HNRNPUL1: variants seen among roughly 807,000 people sequenced by gnomAD.
HNRNPUL1 encodes heterogeneous nuclear ribonucleoprotein U like 1, also known as heterogeneous nuclear ribonucleoprotein U-like protein 1.
Under a neutral mutation model 108.5 loss-of-function variants are expected in HNRNPUL1, and 14 were observed. The observed-to-expected ratio is 0.13, with a 90% CI of 0.09 to 0.20. The LOEUF is 0.20. Ranked by LOEUF, HNRNPUL1 falls within the 10% of genes least tolerant of loss-of-function variation. The probability of loss-of-function intolerance (pLI) is 1.00; values close to 1 mark genes in which losing one functional copy is unlikely to be tolerated. For missense variants in HNRNPUL1, 804 were observed against 1,168.3 expected (o/e 0.69, Z 4.55); for synonymous variants, 422 against 445.2 (o/e 0.95, Z 0.66).
intron 2 of HNRNPUL1, among the ~76,000 whole-genome samples, chr19:41,270,479 T>TA (rs113707725): frequency 0.065 from 9,868 of 151,594 alleles, 889 homozygotes; most frequent in African/African-American, 0.19. Flanking sequence ...TTTTTTTTAA[T>TA]AAAAAAATAG....
intron 5 of HNRNPUL1, 145 bp from the exon 6 acceptor site, chr19:41,278,932 C>G (rs1469123584): frequency 1.5e-6 from 1 of 655,578 alleles, no homozygotes; most frequent in Non-Finnish European, 2.7e-6. Context: ...GTTCAACAGG[C>G]TTTTCAGAGC....
chr19:41,264,493 G>C lies in HNRNPUL1; in HGVS notation c.-11G>C. ...GGGCCGGGCTCGGGGGCCACCCCGG[G>C]GGCCCGGGCCATGGATGTGCGCCGT... On this transcript the variant is annotated 5_prime_UTR_variant, in exon 1 of 15. Coordinates refer to ENST00000392006, the MANE Select transcript of HNRNPUL1 (RefSeq NM_007040.6). The C allele has an allele frequency of 7.4e-7, 1 of 1,355,082 alleles. No individual in the cohort carries two copies. Among genetic ancestry groups the C allele is most frequent in the Non-Finnish European group, 9.5e-7 (1 of 1,052,338 alleles). 83.9% of individuals were successfully genotyped at this position (1,355,082 alleles called of 1,614,324 possible).
chr19:41,277,118 A>G (rs2035610978), intron 5 of HNRNPUL1, among the ~76,000 whole-genome samples: 1 of 150,838 alleles, frequency 6.6e-6, no homozygotes, highest in Admixed American at 6.6e-5. Context: ...ACAAAAAAAC[A>G]AAAACAAAAA....
intron 4 of HNRNPUL1, among the ~76,000 whole-genome samples, chr19:41,275,588 C>G (rs8103839): frequency 0.14 from 20,978 of 152,198 alleles, 1,673 homozygotes; most frequent in East Asian, 0.28. Flanking sequence ...TGAGGATACC[C>G]CTGAAGCCCC....
chr19:41,269,016 G>A (rs1213298529), intron 2 of HNRNPUL1, among the ~76,000 whole-genome samples: 1 of 152,012 alleles, frequency 6.6e-6, no homozygotes, highest in Non-Finnish European at 1.5e-5. Context: ...TTGTTTCAGG[G>A]GATATTATTA....
At chr19:41,300,525 G>A (rs2037145916) in intron 10 of HNRNPUL1, among the ~76,000 whole-genome samples, 1 of 152,094 alleles carries the variant, frequency 6.6e-6, no homozygotes, top group African/African-American at 2.4e-5. Flanking sequence ...AGAGGTTCAG[G>A]CTCAGGAAGT....
chr19:41,290,053 A>C (rs1284698467), intron 7 of HNRNPUL1, among the ~76,000 whole-genome samples: 1 of 152,104 alleles, frequency 6.6e-6, no homozygotes, highest in East Asian at 1.9e-4. Flanking sequence ...AGAGATGAAC[A>C]GGCATGAGGG....
intron 5 of HNRNPUL1, among the ~76,000 whole-genome samples, 182 bp from the exon 6 acceptor site, chr19:41,278,895 C>A (rs1387440702): frequency 1.3e-5 from 2 of 152,174 alleles, no homozygotes; most frequent in African/African-American, 4.8e-5. Flanking sequence ...CTCTACTGAT[C>A]CCTTTGGAGG....
intron 7 of HNRNPUL1, among the ~76,000 whole-genome samples, chr19:41,289,990 C>T (rs1309243833): frequency 2.0e-5 from 3 of 152,030 alleles, no homozygotes; most frequent in Non-Finnish European, 4.4e-5. Flanking sequence ...GGATTACAGG[C>T]GTGAACCACC....
At position 41,268,359 on chromosome 19, in the gene HNRNPUL1, C is replaced by T. The variant is rs369138149; in HGVS notation, c.418+14C>T. On this transcript the variant is annotated intron_variant, in intron 2 of 14. Coordinates refer to ENST00000392006, the MANE Select transcript of HNRNPUL1 (RefSeq NM_007040.6). ...CCTATCGTCCAGGTAGGAAAATACACATGGTTCATCTCTTTGGATGGAAAC... is the reference window on the plus strand; with the variant it reads ...CCTATCGTCCAGGTAGGAAAATACATATGGTTCATCTCTTTGGATGGAAAC... The T allele has an allele frequency of 1.2e-6, 2 of 1,611,922 alleles. No homozygotes were observed. Among genetic ancestry groups the T allele is most frequent in the African/African-American group, 1.3e-5 (1 of 74,794 alleles).
chr19:41,276,356 G>T (rs2035556205), intron 5 of HNRNPUL1, 58 bp downstream of exon 5: 3 of 1,531,884 alleles, frequency 2.0e-6, no homozygotes, highest in South Asian at 2.5e-5. Flanking sequence ...GTAATATCCT[G>T]ATACCAGCCA....
rs1179615090 is a variant in HNRNPUL1 at position 41,306,922 on chromosome 19, C to G, written c.*357C>G. 1 of 173,802 alleles carries G rather than the reference C, an allele frequency of 5.8e-6. No homozygotes were observed. Among genetic ancestry groups the G allele is most frequent in the Admixed American group, 6.3e-5 (1 of 15,884 alleles). 10.8% of individuals were successfully genotyped at this position (173,802 alleles called of 1,614,324 possible). A position where few individuals can be genotyped will look rare whatever the true frequency, so the allele number is the denominator to read the frequency against. On this transcript the variant is annotated 3_prime_UTR_variant, in exon 15 of 15. Transcript: ENST00000392006. ...TGAGGGGAGAATCCCCTCCTGTTCA[C>G]TCTCCCAACCCTGCTCCAGCCCCTC...
In HNRNPUL1 at chr19:41,264,570, C is replaced by T. The variant is rs1300249881; in HGVS notation, c.67C>T (p.Arg23Ter). The change falls in exon 1 of 15, where the codon CGA (arginine) becomes TGA (stop). Residue 23 changes from arginine (R) to a stop codon, truncating the protein, a stop_gained. Coordinates refer to ENST00000392006, the MANE Select transcript of HNRNPUL1 (RefSeq NM_007040.6). LOFTEE classifies it high-confidence loss of function. ...GCTGCAGCGCCGCGGCCTGGACACT[C>T]GAGGCCTCAAGGCCGAGCTTGCTGA... The part of the protein sequence containing the change: ...EELQRRGLDT[R>*]GLKAELAERL... 2.6e-6 allele frequency: 4 copies of T among 1,553,634 alleles called. No homozygotes were observed. Among genetic ancestry groups the T allele is most frequent in the Non-Finnish European group, 3.5e-6 (4 of 1,156,530 alleles).
intron 10 of HNRNPUL1, among the ~76,000 whole-genome samples, chr19:41,299,848 G>T (rs1198127873): frequency 6.6e-6 from 1 of 152,032 alleles, no homozygotes; most frequent in Non-Finnish European, 1.5e-5. Flanking sequence ...GTTGCTTCAA[G>T]TCAACATGAC....
rs563816385 is a variant in HNRNPUL1 at position 41,264,512 on chromosome 19, G to A, written c.9G>A (p.Val3=). MD[V]RRLKVNELRE... ...CCCCGGGGGCCCGGGCCATGGATGTGCGCCGTCTGAAGGTGAACGAACTTC... is the reference window on the plus strand; with the variant it reads ...CCCCGGGGGCCCGGGCCATGGATGTACGCCGTCTGAAGGTGAACGAACTTC... The change falls in exon 1 of 15, where the codon GTG becomes GTA. Residue 3 remains valine (V), a synonymous_variant. Transcript: ENST00000392006. 8 of 1,430,048 alleles carry A rather than the reference G, an allele frequency of 5.6e-6. No homozygotes were observed. The East Asian group carries it at 1.4e-4, about 26-fold the overall frequency. The allele number at this position is 1,430,048 out of a possible 1,614,324, so 88.6% of individuals were successfully genotyped here. A position where few individuals can be genotyped will look rare whatever the true frequency, so the allele number is the denominator to read the frequency against.
At chr19:41,281,469 G>A (rs990127844) in intron 7 of HNRNPUL1, among the ~76,000 whole-genome samples, 194 bp downstream of exon 7, 1 of 151,974 alleles carries the variant, frequency 6.6e-6, no homozygotes, top group Non-Finnish European at 1.5e-5. Context: ...CTGGTCTTGT[G>A]TGCAAAGTTT....
intron 7 of HNRNPUL1, among the ~76,000 whole-genome samples, chr19:41,291,343 A>G (rs1286262302): frequency 2.0e-5 from 3 of 152,210 alleles, no homozygotes; most frequent in East Asian, 3.9e-4. Flanking sequence ...TTATGCAGAC[A>G]TGTGTATCAG....
chr19:41,269,830 G>A (rs1382386294), intron 2 of HNRNPUL1, among the ~76,000 whole-genome samples: 2 of 152,136 alleles, frequency 1.3e-5, no homozygotes, highest in East Asian at 3.9e-4. Context: ...TGCGATGGCT[G>A]TTACATGCCT....
rs2036796053 is a variant in HNRNPUL1, at chr19:41,294,880, A to C, written c.1518+194A>C. ...TGAGCCTGGACTGGGATCATGATCT[A>C]GGCCTACTTACTCAGACTCATCAGC... On this transcript the variant is annotated intron_variant, in intron 10 of 14. Coordinates refer to ENST00000392006, the MANE Select transcript of HNRNPUL1 (RefSeq NM_007040.6). This position sits in a 1 kb window ranked among gnomAD's most constrained non-coding sequence, Gnocchi z 4.3. Among the ~76,000 whole-genome samples the C allele has an allele frequency of 6.6e-6, 1 of 152,188 alleles. No homozygotes were observed. The highest frequency in any genetic ancestry group is 1.5e-5 in the Non-Finnish European group (1 of 68,034).
Sources: gnomAD v4.1 joint callset for allele counts (sites outside exome capture counted in the v4.1 genomes callset) on GRCh38, gnomAD v4.1.1 for gene constraint, Gnocchi (gnomAD v3.1) non-coding constraint, MANE v1.5 for transcripts, NCBI Gene and HGNC (gene_info 2026-07-23, HGNC 2026-07-21) for gene names.